Variants in LRIT3 observed in about 807,000 individuals in gnomAD.
The protein encoded by LRIT3 is leucine rich repeat, Ig-like and transmembrane domains 3.
In LRIT3, 14 loss-of-function variants were observed where a neutral mutation model predicts 22.6. The observed-to-expected ratio is 0.62, with a 90% CI of 0.41 to 0.97. The LOEUF is 0.97. Ranked by LOEUF, LRIT3 falls within the 50% of genes least tolerant of loss-of-function variation. The pLI is 0.00. For missense variants in LRIT3, 783 were observed against 803.0 expected, an observed-to-expected ratio of 0.98 and a Z score of 0.30; for synonymous variants, 306 against 304.5, an observed-to-expected ratio of 1.01 and a Z score of -0.05.
chr4:109,851,593 T>C lies in LRIT3; in HGVS notation c.206T>C (p.Ile69Thr). 2 of 1,551,862 alleles carry C rather than the reference T, an allele frequency of 1.3e-6. No homozygotes were observed. Among genetic ancestry groups the C allele is most frequent in the Non-Finnish European group, 1.7e-6 (2 of 1,147,026 alleles). Residue 69 changes from isoleucine (I) to threonine (T), a missense_variant, in exon 2 of 4, where the codon ATC (isoleucine) becomes ACC (threonine). Ile to Thr is a moderately conservative substitution (Grantham distance 89). Around this residue, in one of 2 missense-constraint regions of LRIT3, gnomAD observed 756 missense variants for 753.8 expected, o/e 1.00. Coordinates refer to ENST00000594814, the MANE Select transcript of LRIT3 (RefSeq NM_198506.5). ...TVKLRIEKTVIRRISAEAFYY... is the reference protein window; with the variant it reads ...TVKLRIEKTVTRRISAEAFYY... ...AAGCTTCGCATAGAGAAGACTGTCATCCGCAGAATCTCTGCGGAGGCCTTC... is the reference window on the plus strand; with the variant it reads ...AAGCTTCGCATAGAGAAGACTGTCACCCGCAGAATCTCTGCGGAGGCCTTC...
chr4:109,848,163 G>C lies in LRIT3; in HGVS notation c.-39G>C, dbSNP rs961294468. The C allele has an allele frequency of 8.9e-7, 1 of 1,119,322 alleles. No individual in the cohort carries two copies. The highest frequency in any genetic ancestry group is 1.1e-6 in the Non-Finnish European group (1 of 885,274). 69.3% of individuals were successfully genotyped at this position (1,119,322 alleles called of 1,614,324 possible). A position where few individuals can be genotyped will look rare whatever the true frequency, so the allele number is the denominator to read the frequency against. ...ACCAGGTTCTGAATGCTTAGGATTC[G>C]GTTTTTACCTTTTGTTTAAATAACC... On this transcript the variant is annotated 5_prime_UTR_variant, in exon 1 of 4. Coordinates refer to ENST00000594814, the MANE Select transcript of LRIT3 (RefSeq NM_198506.5).
chr4:109,851,761 T>C lies in LRIT3; in HGVS notation c.374T>C (p.Leu125Pro), dbSNP rs1453854527. 1.3e-6 allele frequency: 2 copies of C among 1,551,644 alleles called. No homozygotes were observed. Among genetic ancestry groups the C allele is most frequent in the African/African-American group, 2.7e-5 (2 of 73,052 alleles). The change falls in exon 2 of 4, where the codon CTG becomes CCG. Residue 125 changes from leucine (L) to proline (P), a missense_variant. This residue lies in a region of LRIT3 where 756 missense variants were observed against 753.8 expected (regional missense o/e 1.00). Coordinates refer to ENST00000594814, the MANE Select transcript of LRIT3 (RefSeq NM_198506.5). ...CTGGCTGCTTTCCCTTGGGCATCTC[T>C]GCTGGACATGCCCCTTCTGAGGACC... ...NSLAAFPWAS[L>P]LDMPLLRTLD...
chr4:109,867,114 A>C (rs1734700794), intron 2 of LRIT3, among the ~76,000 whole-genome samples: 1 of 152,178 alleles, frequency 6.6e-6, no homozygotes, highest in African/African-American at 2.4e-5. Flanking sequence ...GTCTCTGAGC[A>C]CCCTATAATA....
intron 1 of LRIT3, 28 bp downstream of exon 1, chr4:109,848,345 TTC>T: frequency 8.5e-7 from 1 of 1,172,998 alleles, no homozygotes; most frequent in Non-Finnish European, 1.1e-6. Flanking sequence ...TTACTAAGTG[TTC>T]TCATTATTTT....
chr4:109,851,796 C>G lies in LRIT3; in HGVS notation c.409C>G (p.His137Asp). The G allele has an allele frequency of 1.9e-6, 3 of 1,551,760 alleles. No individual in the cohort carries two copies. The highest frequency in any genetic ancestry group is 2.6e-6 in the Non-Finnish European group (3 of 1,147,020). Reference sequence around the variant, plus strand: ...GCCCCTTCTGAGGACCCTGGACTTGCACAATAACAAAATAACCAGTGTGCC... The same window carrying G: ...GCCCCTTCTGAGGACCCTGGACTTGGACAATAACAAAATAACCAGTGTGCC... ...DMPLLRTLDL[H>D]NNKITSVPNE... Residue 137 changes from histidine (H) to aspartate (D), a missense_variant, in exon 2 of 4, where the codon CAC becomes GAC. This residue lies in a region of LRIT3 where 756 missense variants were observed against 753.8 expected (regional missense o/e 1.00). Transcript: ENST00000594814.
chr4:109,870,524 G>A lies in LRIT3; in HGVS notation c.1775G>A (p.Cys592Tyr), dbSNP rs766899767. The A allele has an allele frequency of 5.0e-6, 8 of 1,614,098 alleles. No individual in the cohort carries two copies. Among genetic ancestry groups the A allele is most frequent in the Non-Finnish European group, 6.8e-6 (8 of 1,180,046 alleles). ...SLLLVVTSTACVVILPLICFL... is the reference protein window; with the variant it reads ...SLLLVVTSTAYVVILPLICFL... ...CTTCTCGTGGTGACCAGTACTGCCT[G>A]TGTTGTTATCTTACCATTGATTTGT... The change falls in exon 4 of 4, where the codon TGT (cysteine) becomes TAT (tyrosine). Residue 592 changes from cysteine (C) to tyrosine (Y), a missense_variant. Coordinates refer to ENST00000594814, the MANE Select transcript of LRIT3 (RefSeq NM_198506.5).
At chr4:109,860,646 C>T (rs1418014655) in intron 2 of LRIT3, among the ~76,000 whole-genome samples, 1 of 152,220 alleles carries the variant, frequency 6.6e-6, no homozygotes, top group African/African-American at 2.4e-5. Flanking sequence ...CCTTACATAA[C>T]TTACACCATC....
intron 2 of LRIT3, among the ~76,000 whole-genome samples, chr4:109,857,131 A>T (rs904741621): frequency 6.6e-6 from 1 of 152,138 alleles, no homozygotes; most frequent in Non-Finnish European, 1.5e-5. Context: ...ACAGGTAATT[A>T]TGTTGGTTTT....
chr4:109,848,731 A>G (rs981132239), intron 1 of LRIT3, among the ~76,000 whole-genome samples: 1 of 152,246 alleles, frequency 6.6e-6, no homozygotes, highest in African/African-American at 2.4e-5. Context: ...ACTTCCTTTG[A>G]GAACTATTCA....
In LRIT3 at chr4:109,850,410, C is replaced by CTTTCTTTCTTTCTTTCTTT. The variant is rs1328726520; in HGVS notation, c.117-1094_117-1093insTTTCTTTCTTTCTTTCTTT. ...TCCTTCCTTCCTTCCTTCCTTCCTT[C>CTTTCTTTCTTTCTTTCTTT]CTTCCTTCCTTCCTTTCTTTCTTTC... is the stretch of plus-strand genomic sequence containing the variant. On this transcript the variant is annotated intron_variant, in intron 1 of 3. Coordinates refer to ENST00000594814, the MANE Select transcript of LRIT3 (RefSeq NM_198506.5). Among the ~76,000 whole-genome samples, 23 of 5,702 alleles carry CTTTCTTTCTTTCTTTCTTT rather than the reference C, an allele frequency of 4.0e-3. No homozygotes were observed. The East Asian group carries it at 0.05, about 12-fold the overall frequency. 3.7% of individuals were successfully genotyped at this position (5,702 alleles called of 152,430 possible).
chr4:109,869,441 C>T (rs548612184), intron 3 of LRIT3, among the ~76,000 whole-genome samples: 1 of 152,274 alleles, frequency 6.6e-6, no homozygotes, highest in South Asian at 2.1e-4. Flanking sequence ...CTGTACAGAC[C>T]TCACAACACC....
intron 2 of LRIT3, among the ~76,000 whole-genome samples, chr4:109,860,801 C>T (rs992407418): frequency 3.3e-5 from 5 of 152,158 alleles, no homozygotes; most frequent in African/African-American, 1.2e-4. Context: ...ATAAGATGAA[C>T]CTTTGTGCCA....
chr4:109,861,733 A>G (rs1452984842), intron 2 of LRIT3, among the ~76,000 whole-genome samples: 1 of 152,062 alleles, frequency 6.6e-6, no homozygotes, highest in Non-Finnish European at 1.5e-5. Context: ...TCCAAGGCTG[A>G]CTTGCCTATT....
In LRIT3 at chr4:109,858,630, C is replaced by T. The variant is rs115378646; in HGVS notation, c.589+6654C>T. On this transcript the variant is annotated intron_variant, in intron 2 of 3. Coordinates refer to ENST00000594814, the MANE Select transcript of LRIT3 (RefSeq NM_198506.5). ...TTCCCTTCCTTGGTTTACCATGGGA[C>T]GGTTACCAGAGAAATGTTTTTCGAC... Among the ~76,000 whole-genome samples, 483 of 152,172 alleles carry T rather than the reference C, an allele frequency of 3.2e-3. 3 individuals are homozygous for T. The highest frequency in any genetic ancestry group is 4.4e-3 in the Non-Finnish European group (296 of 68,006).
intron 3 of LRIT3, among the ~76,000 whole-genome samples, chr4:109,868,242 C>A (rs1390734891): frequency 2.0e-5 from 3 of 152,186 alleles, no homozygotes; most frequent in Non-Finnish European, 4.4e-5. Flanking sequence ...ATACAGCTTA[C>A]TTCAAAATGT....
chr4:109,861,745 A>G (rs1734551143), intron 2 of LRIT3, among the ~76,000 whole-genome samples: 1 of 151,760 alleles, frequency 6.6e-6, no homozygotes, highest in Admixed American at 6.6e-5. Flanking sequence ...TTGCCTATTT[A>G]TTTTTTCCTG....
chr4:109,855,471 T>C (rs1392690592), intron 2 of LRIT3, among the ~76,000 whole-genome samples: 2 of 152,224 alleles, frequency 1.3e-5, no homozygotes, highest in African/African-American at 4.8e-5. Context: ...TCAATTTTGT[T>C]GATCCTTTCA....
At chr4:109,857,717 C>T (rs1396428389) in intron 2 of LRIT3, among the ~76,000 whole-genome samples, 1 of 152,120 alleles carries the variant, frequency 6.6e-6, no homozygotes, top group Non-Finnish European at 1.5e-5. Flanking sequence ...TGAGAGCAAT[C>T]ATTAGTAATA....
At chr4:109,867,444 C>G (rs1734709772) in intron 2 of LRIT3, among the ~76,000 whole-genome samples, 197 bp from the exon 3 acceptor site, 2 of 152,094 alleles carry the variant, frequency 1.3e-5, no homozygotes, top group Admixed American at 6.5e-5. Context: ...TATTAATGAT[C>G]TGAACTAATG....
Sources: allele counts gnomAD v4.1 joint callset (sites outside exome capture counted in the v4.1 genomes callset), GRCh38; gene constraint gnomAD v4.1.1; regional missense constraint gnomAD v4.1.1; transcripts MANE v1.5; gene names NCBI Gene and HGNC (gene_info 2026-07-23, HGNC 2026-07-21).